The following SOX5 variants were observed in gnomAD, a reference collection of about 807,000 sequenced individuals.
SOX5 encodes the protein SRY-box transcription factor 5, also known as transcription factor SOX-5.
A neutral mutation model predicts 92.0 loss-of-function variants in SOX5; 9 were observed. The ratio of observed to expected loss-of-function variants is 0.10; its 90% CI spans 0.06 to 0.17. SOX5 has a LOEUF of 0.17. Among genes scored for constraint, SOX5 ranks in the 10% least tolerant of loss-of-function variants. The pLI is 1.00. For missense variants in SOX5, 642 were observed against 944.5 expected (o/e 0.68, Z 4.20); for synonymous variants, 344 against 336.3 (o/e 1.02, Z -0.25).
At position 24,247,629 on chromosome 12, in the gene SOX5, C is replaced by T. The variant is rs535263681; in HGVS notation, c.-77+29587G>A. Among the ~76,000 whole-genome samples the T allele has an allele frequency of 8.4e-4, 127 of 150,480 alleles. 1 individual carries two copies. In the South Asian group the frequency reaches 0.026, roughly 31 times the overall value. ...TTACCCCAAAGCAATGCAATGATCC[C>T]TGATTTATTTATTTACTTTTTTTTT... On this transcript the variant is annotated intron_variant, in intron 3 of 4. Coordinates refer to the SOX5 transcript ENST00000446891.
At chr12:23,638,887 C>CAA (rs57608068) in intron 8 of SOX5, among the ~76,000 whole-genome samples, 2 of 119,708 alleles carry the variant, frequency 1.7e-5, no homozygotes, top group Non-Finnish European at 1.8e-5. Flanking sequence ...TTTCTCACTG[C>CAA]AAAAAAAAAA....
intron 14 of SOX5, among the ~76,000 whole-genome samples, chr12:23,535,700 G>T (rs972978815): frequency 6.6e-6 from 1 of 152,184 alleles, no homozygotes; most frequent in African/African-American, 2.4e-5. Flanking sequence ...AACTGGAGGG[G>T]ACAGAGCAGA....
At chr12:24,017,813 AC>A (rs1425839082) in intron 4 of SOX5, among the ~76,000 whole-genome samples, 2 of 151,374 alleles carry the variant, frequency 1.3e-5, no homozygotes, top group African/African-American at 4.9e-5. Context: ...CTTTCAGATG[AC>A]CTCACTTCCC....
rs575292863 is a variant in SOX5, at chr12:24,240,937, T to C, written c.-76-27520A>G. 1.7e-3 allele frequency among the ~76,000 whole-genome samples: 265 copies of C among 152,322 alleles called. 3 individuals carry two copies. The highest frequency in any genetic ancestry group is 5.8e-3 in the African/African-American group (243 of 41,584). On this transcript the variant is annotated intron_variant, in intron 3 of 4. Transcript: ENST00000446891. ...TTTAAAATAATGTGTAACTCAAATA[T>C]TCACAGAGAACAGGTTCCTAAATCT...
At chr12:24,093,759 T>G (rs965942581) in intron 4 of SOX5, among the ~76,000 whole-genome samples, 1 of 151,458 alleles carries the variant, frequency 6.6e-6, no homozygotes, top group Non-Finnish European at 1.5e-5. Context: ...GGAGCTGATA[T>G]GCTGGTCCTA....
chr12:23,852,942 A>C (rs2096648333), intron 2 of SOX5, among the ~76,000 whole-genome samples: 1 of 151,958 alleles, frequency 6.6e-6, no homozygotes, highest in Admixed American at 6.6e-5. Flanking sequence ...TAAGGAGAGA[A>C]AAAGAGGCAG....
intron 4 of SOX5, among the ~76,000 whole-genome samples, chr12:24,036,632 A>C (rs955157109): frequency 2.6e-5 from 4 of 152,100 alleles, no homozygotes; most frequent in African/African-American, 9.7e-5. Context: ...TGTGTCACTA[A>C]GGTTTGCTCT....
intron 4 of SOX5, among the ~76,000 whole-genome samples, chr12:24,018,764 C>T (rs1953958685): frequency 6.6e-6 from 1 of 152,056 alleles, no homozygotes; most frequent in Admixed American, 6.6e-5. Flanking sequence ...ACCCATTGCA[C>T]TCCAGCCTGG....
chr12:24,219,793 C>G (rs1235742842), intron 3 of SOX5, among the ~76,000 whole-genome samples: 1 of 152,054 alleles, frequency 6.6e-6, no homozygotes, highest in Admixed American at 6.6e-5. Context: ...AGAAACCATC[C>G]AACCATTCAT....
intron 4 of SOX5, among the ~76,000 whole-genome samples, chr12:23,989,880 A>G (rs1475030894): frequency 6.6e-6 from 1 of 152,134 alleles, no homozygotes; most frequent in Non-Finnish European, 1.5e-5. Flanking sequence ...AGTAGCTTGA[A>G]CAGACTAAGA....
intron 4 of SOX5, among the ~76,000 whole-genome samples, chr12:24,063,411 C>T (rs1940108655): frequency 6.6e-6 from 1 of 152,182 alleles, no homozygotes; most frequent in Non-Finnish European, 1.5e-5. Flanking sequence ...TACATAGATT[C>T]AGCAGAGTCT....
At chr12:23,790,544 TCTCTCA>T (rs1567782171) in intron 3 of SOX5, among the ~76,000 whole-genome samples, 71 of 3,922 alleles carry the variant, frequency 0.018, no homozygotes, top group East Asian at 0.14. Flanking sequence ...TCTCTCTCAA[TCTCTCA>T]CACACACACA....
At chr12:24,396,176 C>T (rs1216043531) in intron 1 of SOX5, among the ~76,000 whole-genome samples, 1 of 152,178 alleles carries the variant, frequency 6.6e-6, no homozygotes, top group Non-Finnish European at 1.5e-5. Flanking sequence ...GCAATGCTCT[C>T]TCATTTTAAA....
At chr12:23,817,127 A>C (rs1401025890) in intron 3 of SOX5, among the ~76,000 whole-genome samples, 1 of 152,268 alleles carries the variant, frequency 6.6e-6, no homozygotes, top group Non-Finnish European at 1.5e-5. Flanking sequence ...CAGAGCAAAT[A>C]GCATTTTAAT....
intron 3 of SOX5, among the ~76,000 whole-genome samples, chr12:24,266,935 C>T (rs1943100360): frequency 6.6e-6 from 1 of 152,178 alleles, no homozygotes; most frequent in South Asian, 2.1e-4. Flanking sequence ...TACTTCTATT[C>T]ACCAACACTG....
chr12:24,357,252 T>C (rs1303238582), intron 2 of SOX5: 1 of 152,158 alleles, frequency 6.6e-6, no homozygotes, highest in Non-Finnish European at 1.5e-5. Context: ...GTGAAATATT[T>C]AAGAAATTTT....
chr12:24,301,192 T>C (rs1171023632), intron 2 of SOX5, among the ~76,000 whole-genome samples: 1 of 152,170 alleles, frequency 6.6e-6, no homozygotes, highest in African/African-American at 2.4e-5. Context: ...CCTGACACTC[T>C]AATGCCAATA....
chr12:24,051,799 T>G (rs11613832), intron 4 of SOX5, among the ~76,000 whole-genome samples: 11 of 152,318 alleles, frequency 7.2e-5, no homozygotes, highest in African/African-American at 2.6e-4. Context: ...TCATTCTCCC[T>G]TTTACCAACA....
intron 8 of SOX5, among the ~76,000 whole-genome samples, chr12:23,608,965 C>A (rs2075615994): frequency 6.6e-6 from 1 of 152,028 alleles, no homozygotes; most frequent in African/African-American, 2.4e-5. Flanking sequence ...AACAATGAGA[C>A]TATAAGTATA....
Sources: allele counts gnomAD v4.1 joint callset (sites outside exome capture counted in the v4.1 genomes callset), GRCh38; gene constraint gnomAD v4.1.1; transcripts MANE v1.5; gene names NCBI Gene and HGNC (gene_info 2026-07-23, HGNC 2026-07-21).